The following TTC28 variants were observed in gnomAD, a reference collection of about 807,000 sequenced individuals.
The protein encoded by TTC28 is tetratricopeptide repeat protein 28.
Under a neutral mutation model 198.0 loss-of-function variants are expected in TTC28, and 61 were observed. The observed-to-expected ratio is 0.31, with a 90% CI of 0.25 to 0.38. The LOEUF is 0.38. Ranked by LOEUF, TTC28 falls within the 10% of genes least tolerant of loss-of-function variation. The probability of loss-of-function intolerance (pLI) is 1.00; values close to 1 mark genes in which losing one functional copy is unlikely to be tolerated. For synonymous variants in TTC28, 1,171 were observed against 1,297.8 expected (o/e 0.90, Z 2.10); for missense variants, 2,678 against 3,164.0 (o/e 0.85, Z 3.69).
chr22:28,199,525 C>CTA (rs1289433927), intron 5 of TTC28, among the ~76,000 whole-genome samples: 1 of 48,578 alleles, frequency 2.1e-5, no homozygotes, highest in Non-Finnish European at 5.6e-5. Context: ...AAAGAAATAC[C>CTA]TATACATATA....
In TTC28 at chr22:28,163,375, G is replaced by T. The variant is rs1367585314; in HGVS notation, c.1158C>A (p.Asp386Glu). Residue 386 changes from aspartate to glutamate, a missense_variant, in exon 6 of 23, where the codon GAC becomes GAA. Coordinates refer to ENST00000397906, the MANE Select transcript of TTC28 (RefSeq NM_001145418.2). ...GGGCCTCTTCTCGCTTGTTCCCCAGGTCCTTGGCTATCTTCAGATGCTGCT... is the reference window on the plus strand; with the variant it reads ...GGGCCTCTTCTCGCTTGTTCCCCAGTTCCTTGGCTATCTTCAGATGCTGCT... Reference protein sequence around the residue: ...CHEQHLKIAKDLGNKREEARA... With the variant: ...CHEQHLKIAKELGNKREEARA... The T allele has an allele frequency of 1.9e-6, 3 of 1,551,980 alleles. No individual in the cohort carries two copies. Among genetic ancestry groups the T allele is most frequent in the South Asian group, 2.4e-5 (2 of 84,058 alleles).
At chr22:28,094,771 G>A (rs1039552128) in intron 11 of TTC28, among the ~76,000 whole-genome samples, 4 of 152,106 alleles carry the variant, frequency 2.6e-5, no homozygotes, top group South Asian at 2.1e-4. Flanking sequence ...CTGGTCAATG[G>A]TCATTAATGA....
At chr22:28,469,432 A>C (rs934553463) in intron 2 of TTC28, among the ~76,000 whole-genome samples, 5 of 152,250 alleles carry the variant, frequency 3.3e-5, no homozygotes, top group Admixed American at 2.0e-4. Flanking sequence ...ATGCTAGTTT[A>C]TATGGCAAGA....
At chr22:28,031,538 G>A (rs1324579409) in intron 12 of TTC28, among the ~76,000 whole-genome samples, 1 of 152,178 alleles carries the variant, frequency 6.6e-6, no homozygotes, top group Admixed American at 6.5e-5. Context: ...AGAAGAATAA[G>A]GCTTGGTGCA....
At chr22:27,991,381 C>T (rs1398117647) in intron 19 of TTC28, among the ~76,000 whole-genome samples, 1 of 152,194 alleles carries the variant, frequency 6.6e-6, no homozygotes, top group African/African-American at 2.4e-5. Context: ...ATGCAGTGTT[C>T]TGGAAGTGTC....
Position 28,297,703 on chromosome 22 carries a change from T to C in TTC28, c.679A>G (p.Thr227Ala). 1.3e-6 allele frequency: 2 copies of C among 1,551,680 alleles called. No individual in the cohort carries two copies. The highest frequency in any genetic ancestry group is 1.7e-6 in the Non-Finnish European group (2 of 1,146,984). Residue 227 changes from threonine (T) to alanine (A), a missense_variant, in exon 4 of 23, where the codon ACC becomes GCC. Physicochemically the swap from Thr to Ala is moderately conservative, Grantham distance 58. Around this residue, in one of 8 missense-constraint regions of TTC28, gnomAD observed 36 missense variants for 78.7 expected, o/e 0.46. Coordinates refer to ENST00000397906, the MANE Select transcript of TTC28 (RefSeq NM_001145418.2). ...GAACCTCTCAGTTTGAGGCTGCAGG[T>C]GCCAATCTTCAGTGCGGCTTCTAAG... ...VVLEAALKIG[T>A]CSLKLRGSVF...
At chr22:28,243,534 CTCCCCTTACACTG>C (rs1179613300) in intron 5 of TTC28, among the ~76,000 whole-genome samples, 3 of 151,300 alleles carry the variant, frequency 2.0e-5, no homozygotes, top group Non-Finnish European at 4.4e-5. Context: ...TTGAAAAGTA[CTCCCCTTACACTG>C]TGTGAGTTTT....
chr22:28,629,815 C>T lies in TTC28; in HGVS notation c.118G>A (p.Ala40Thr). The change falls in exon 2 of 23, where the codon GCT becomes ACT. Residue 40 changes from alanine (A) to threonine (T), a missense_variant. Physicochemically the swap from Ala to Thr is moderately conservative, Grantham distance 58. Transcript: ENST00000397906. The stretch of plus-strand genomic sequence containing the variant: ...GGACTTCTCTGGCCAATAGTGTCAG[C>T]ACCAAAGAGAGGAATCTACAAACAA... Reference protein sequence around the residue: ...PASAPIPLFGADTIGQRSPDG... With the variant: ...PASAPIPLFGTDTIGQRSPDG... 6.5e-7 allele frequency: 1 copy of T among 1,549,434 alleles called. No individual in the cohort carries two copies. The highest frequency in any genetic ancestry group is 8.7e-7 in the Non-Finnish European group (1 of 1,146,184).
At position 28,677,171 on chromosome 22, in the gene TTC28, A is replaced by AT. The variant is rs1824580149; in HGVS notation, c.102+2450_102+2451insA. 1.4e-4 allele frequency among the ~76,000 whole-genome samples: 3 copies of AT among 20,718 alleles called. No homozygotes were observed. In the East Asian group the frequency reaches 4.0e-3, roughly 27 times the overall value. 13.6% of individuals were successfully genotyped at this position (20,718 alleles called of 152,430 possible). On this transcript the variant is annotated intron_variant, in intron 1 of 22. Coordinates refer to ENST00000397906, the MANE Select transcript of TTC28 (RefSeq NM_001145418.2). ...ACTCCATCTCAGGAAAAAAAAAAAA[A>AT]AAAAATATATATATATATATATATA... is the stretch of plus-strand genomic sequence containing the variant.
intron 5 of TTC28, among the ~76,000 whole-genome samples, chr22:28,295,093 A>C (rs1555961038): frequency 6.6e-6 from 1 of 152,222 alleles, no homozygotes; most frequent in Non-Finnish European, 1.5e-5. Flanking sequence ...AAAAGTGTTC[A>C]GGTAACTCTC....
intron 2 of TTC28, among the ~76,000 whole-genome samples, chr22:28,389,227 T>C (rs1202338355): frequency 6.6e-6 from 1 of 152,252 alleles, no homozygotes; most frequent in Non-Finnish European, 1.5e-5. Flanking sequence ...TTTGATGTGC[T>C]GCTGGATTCG....
intron 2 of TTC28, among the ~76,000 whole-genome samples, chr22:28,531,691 G>C (rs1197703804): frequency 6.6e-5 from 10 of 152,176 alleles, no homozygotes. Flanking sequence ...TAAAAGAACA[G>C]AAATTATAAC....
chr22:28,174,862 AG>A (rs1923009926), intron 5 of TTC28, among the ~76,000 whole-genome samples: 1 of 152,186 alleles, frequency 6.6e-6, no homozygotes, highest in Non-Finnish European at 1.5e-5. Flanking sequence ...AAGCAGTGAA[AG>A]TTTAGGCCGG....
chr22:28,419,417 A>T (rs2047215375), intron 2 of TTC28, among the ~76,000 whole-genome samples: 1 of 152,192 alleles, frequency 6.6e-6, no homozygotes, highest in African/African-American at 2.4e-5. Context: ...CCTCTTTAAT[A>T]AATAAAACCT....
intron 12 of TTC28, among the ~76,000 whole-genome samples, chr22:28,055,668 T>G (rs1480753659): frequency 6.6e-6 from 1 of 152,166 alleles, no homozygotes; most frequent in Non-Finnish European, 1.5e-5. Flanking sequence ...CTAAAGAATG[T>G]TAAACAACTT....
chr22:28,634,505 CAA>C (rs900765994), intron 1 of TTC28, among the ~76,000 whole-genome samples: 7 of 45,508 alleles, frequency 1.5e-4, no homozygotes, highest in East Asian at 7.4e-4. Context: ...GACTCCATCT[CAA>C]AAAAAAAAAA....
At chr22:28,400,407 T>A (rs2046888446) in intron 2 of TTC28, among the ~76,000 whole-genome samples, 1 of 152,218 alleles carries the variant, frequency 6.6e-6, no homozygotes, top group Non-Finnish European at 1.5e-5. Context: ...AAGGCACATA[T>A]TCTATTCTTA....
At chr22:28,043,238 A>G (rs12171034) in intron 12 of TTC28, among the ~76,000 whole-genome samples, 63,391 of 103,580 alleles carry the variant, frequency 0.61, 18,668 homozygotes, top group South Asian at 0.73. Context: ...GTAAGACTCC[A>G]TCTCAAAAAA....
At chr22:28,279,848 T>C (rs1183924450) in intron 5 of TTC28, among the ~76,000 whole-genome samples, 1 of 152,258 alleles carries the variant, frequency 6.6e-6, no homozygotes, top group African/African-American at 2.4e-5. Flanking sequence ...TAGTTTTGCC[T>C]GTTCTAGAAT....
Sources: allele counts gnomAD v4.1 joint callset (sites outside exome capture counted in the v4.1 genomes callset), GRCh38; gene constraint gnomAD v4.1.1; regional missense constraint gnomAD v4.1.1; transcripts MANE v1.5; gene names NCBI Gene and HGNC (gene_info 2026-07-23, HGNC 2026-07-21).